Variants in EIF2B3 observed in about 807,000 individuals in gnomAD.
EIF2B3 encodes translation initiation factor eIF2B subunit gamma.
Under a neutral mutation model 54.1 loss-of-function variants are expected in EIF2B3, and 20 were observed. The ratio of observed to expected loss-of-function variants is 0.37; its 90% confidence interval spans 0.26 to 0.54. The LOEUF (loss-of-function observed/expected upper bound fraction) is 0.54, where lower values mean the gene tolerates loss of function less well. Among genes scored for constraint, EIF2B3 ranks in the 20% least tolerant of loss-of-function variants. EIF2B3 has a pLI of 0.86. For missense variants in EIF2B3, 448 were observed against 547.8 expected (o/e 0.82, Z 1.82); for synonymous variants, 153 against 188.1 (o/e 0.81, Z 1.52).
chr1:44,926,562 C>T, intron 5 of EIF2B3, 66 bp downstream of exon 5: 1 of 1,237,870 alleles, frequency 8.1e-7, no homozygotes, highest in Non-Finnish European at 1.2e-6. Context: ...CTTTCCCATC[C>T]ACTGGGTGGT....
In EIF2B3 at chr1:44,926,711, G is replaced by C. The variant is rs1643855963; in HGVS notation, c.483C>G (p.Asp161Glu). The C allele has an allele frequency of 1.9e-6, 3 of 1,613,658 alleles. No homozygotes were observed. The East Asian group carries it at 6.7e-5, about 36-fold the overall frequency. ...TGAAGAGCAGCCTCTTTCCTGTGCT[G>C]TCCACTCCAATGAAGTCACGCTGCT... ...AVEQRDFIGV[D>E]STGKRLLFMA... The change falls in exon 5 of 12, where the codon GAC becomes GAG. Residue 161 changes from aspartate to glutamate, a missense_variant. Transcript: ENST00000360403.
chr1:44,850,972 A>C lies in EIF2B3; in HGVS notation c.1338T>G (p.Asn446Lys). 1 of 1,614,198 alleles carries C rather than the reference A, an allele frequency of 6.2e-7. No individual in the cohort carries two copies. Among genetic ancestry groups the C allele is most frequent in the African/African-American group, 1.3e-5 (1 of 75,062 alleles). Residue 446 changes from asparagine to lysine, a missense_variant, in exon 12 of 12, where the codon AAT (asparagine) becomes AAG (lysine). By Grantham distance (94) the Asn-to-Lys change is moderately conservative. Transcript: ENST00000360403. Reference protein sequence around the residue: ...AKRVNEVIVGNDQLMEI With the variant: ...AKRVNEVIVGKDQLMEI ...GAACTCAGATCTCCATGAGCTGGTC[A>C]TTCCCCACGATCACCTCATTCACTC...
At chr1:44,879,451 A>G (rs1294290328) in intron 8 of EIF2B3, among the ~76,000 whole-genome samples, 1 of 152,210 alleles carries the variant, frequency 6.6e-6, no homozygotes, top group Non-Finnish European at 1.5e-5. Context: ...CTGTATGCCT[A>G]TGTTTACTTC....
chr1:44,853,056 A>G (rs1654324619), intron 11 of EIF2B3, among the ~76,000 whole-genome samples: 1 of 152,088 alleles, frequency 6.6e-6, no homozygotes, highest in South Asian at 2.1e-4. Context: ...CAAGTGAGGG[A>G]GAGGAGAGGA....
At chr1:44,983,337 G>A (rs1351229579) in intron 1 of EIF2B3, among the ~76,000 whole-genome samples, 1 of 152,174 alleles carries the variant, frequency 6.6e-6, no homozygotes, top group African/African-American at 2.4e-5. Context: ...AAATAATGTT[G>A]CAACTTTACT....
At position 44,857,696 on chromosome 1, in the gene EIF2B3, T is replaced by A. The variant is rs777026699; in HGVS notation, c.1306+8A>T. On this transcript the variant is annotated splice_region_variant and intron_variant, in intron 11 of 11. Transcript: ENST00000360403. ...AAAAATGGAATCTGTGATTGTAATC[T>A]GGTTTACCTTTGGCTTCAATCCTCT... 1 of 1,613,444 alleles carries A rather than the reference T, an allele frequency of 6.2e-7. No individual in the cohort carries two copies. The highest frequency in any genetic ancestry group is 8.5e-7 in the Non-Finnish European group (1 of 1,179,334).
intron 4 of EIF2B3, among the ~76,000 whole-genome samples, chr1:44,929,117 G>A (rs1643876645): frequency 6.6e-6 from 1 of 152,130 alleles, no homozygotes; most frequent in South Asian, 2.1e-4. Flanking sequence ...TAAATAAAAT[G>A]TTAAGTTTAA....
At chr1:44,948,578 T>C (rs1040417642) in intron 3 of EIF2B3, among the ~76,000 whole-genome samples, 2 of 152,088 alleles carry the variant, frequency 1.3e-5, no homozygotes, top group African/African-American at 4.8e-5. Flanking sequence ...CACTATAATA[T>C]GATATGCTCT....
intron 5 of EIF2B3, among the ~76,000 whole-genome samples, chr1:44,908,882 G>A (rs944721716): frequency 6.6e-6 from 1 of 152,170 alleles, no homozygotes; most frequent in African/African-American, 2.4e-5. Flanking sequence ...GCAAAGTCAT[G>A]GATGGGGTAG....
chr1:44,945,448 G>A (rs1489450512), intron 3 of EIF2B3, among the ~76,000 whole-genome samples: 1 of 151,864 alleles, frequency 6.6e-6, no homozygotes, highest in African/African-American at 2.4e-5. Context: ...CAGCTACTCG[G>A]GAGGCTGAGG....
chr1:44,926,889 C>T, intron 4 of EIF2B3, 150 bp from the exon 5 acceptor site: 1 of 713,190 alleles, frequency 1.4e-6, no homozygotes, highest in Non-Finnish European at 2.4e-6. Context: ...AATCCCAAGA[C>T]TTTGGGAGGC....
chr1:44,971,370 C>T, intron 3 of EIF2B3, among the ~76,000 whole-genome samples: 1 of 107,636 alleles, frequency 9.3e-6, no homozygotes, highest in South Asian at 2.8e-4. Flanking sequence ...ACTCCGTCTC[C>T]AGAAAAAAAA....
intron 5 of EIF2B3, among the ~76,000 whole-genome samples, chr1:44,922,194 G>T (rs995933570): frequency 2.6e-5 from 4 of 151,582 alleles, no homozygotes; most frequent in Non-Finnish European, 4.4e-5. Context: ...AATTACAGGC[G>T]TGAGCCACCA....
intron 3 of EIF2B3, among the ~76,000 whole-genome samples, chr1:44,942,412 TA>T (rs1218762872): frequency 0.019 from 374 of 19,560 alleles, 18 homozygotes; most frequent in Non-Finnish European, 0.029. Context: ...TATATATATA[TA>T]TATATTTTTT....
chr1:44,885,830 G>T (rs1316791934), intron 6 of EIF2B3, among the ~76,000 whole-genome samples: 5 of 151,518 alleles, frequency 3.3e-5, no homozygotes, highest in African/African-American at 1.2e-4. Flanking sequence ...CGCCTCCCAG[G>T]TTCAAGTGAT....
At position 44,897,927 on chromosome 1, in the gene EIF2B3, G is replaced by T. The variant is rs570350189; in HGVS notation, c.567-483C>A. ...AATTTTTGTATTTTAGTAGAGATGG[G>T]GTTTCACCATGTTGGCCAGGCTGGT... On this transcript the variant is annotated intron_variant, in intron 5 of 11. Coordinates refer to ENST00000360403, the MANE Select transcript of EIF2B3 (RefSeq NM_020365.5). 4.6e-5 allele frequency among the ~76,000 whole-genome samples: 7 copies of T among 151,642 alleles called. No homozygotes were observed. The South Asian group carries it at 1.5e-3, about 32-fold the overall frequency.
chr1:44,870,907 C>CA (rs1654944876), intron 10 of EIF2B3, among the ~76,000 whole-genome samples: 2 of 152,168 alleles, frequency 1.3e-5, no homozygotes, highest in South Asian at 4.1e-4. Flanking sequence ...CTCAGCCTCC[C>CA]AAAGTGCTGG....
chr1:44,855,410 A>C (rs1464371315), intron 11 of EIF2B3, among the ~76,000 whole-genome samples: 2 of 152,162 alleles, frequency 1.3e-5, no homozygotes, highest in African/African-American at 4.8e-5. Context: ...TTGGAACCCT[A>C]ACTTTATACC....
At chr1:44,934,122 G>A (rs1643921559) in intron 4 of EIF2B3, among the ~76,000 whole-genome samples, 1 of 151,780 alleles carries the variant, frequency 6.6e-6, no homozygotes, top group African/African-American at 2.4e-5. Flanking sequence ...AACAGGCTGG[G>A]CACAGTGGCT....
Sources: allele counts gnomAD v4.1 joint callset (sites outside exome capture counted in the v4.1 genomes callset), GRCh38; gene constraint gnomAD v4.1.1; transcripts MANE v1.5; gene names NCBI Gene and HGNC (gene_info 2026-07-23, HGNC 2026-07-21).